Variants in SCAPER observed in about 807,000 individuals in gnomAD.
The protein encoded by SCAPER is S phase cyclin A-associated protein in the endoplasmic reticulum.
SCAPER carries 98 observed loss-of-function variants against 182.2 expected under a neutral mutation model. The ratio of observed to expected loss-of-function variants is 0.54; its 90% CI spans 0.46 to 0.64. SCAPER has a LOEUF of 0.64. SCAPER is among the 30% of genes least tolerant of loss of function. The probability of loss-of-function intolerance (pLI) is 0.00; values close to 1 mark genes in which losing one functional copy is unlikely to be tolerated. For synonymous variants in SCAPER, 605 were observed against 564.6 expected, an observed-to-expected ratio of 1.07 and a Z score of -1.01; for missense variants, 1,432 against 1,690.0, an observed-to-expected ratio of 0.85 and a Z score of 2.68.
intron 22 of SCAPER, among the ~76,000 whole-genome samples, chr15:76,576,179 A>G (rs1223394058): frequency 6.6e-6 from 1 of 152,092 alleles, no homozygotes; most frequent in Non-Finnish European, 1.5e-5. Flanking sequence ...CTGGGTAACA[A>G]GGCAAGACCC....
chr15:76,826,475 G>A (rs1365639231), intron 5 of SCAPER, among the ~76,000 whole-genome samples: 2 of 151,070 alleles, frequency 1.3e-5, no homozygotes, highest in Non-Finnish European at 2.9e-5. Flanking sequence ...TGACGAGTGA[G>A]TGGGTGCAGC....
chr15:76,379,943 T>A (rs2042838177), intron 28 of SCAPER: 1 of 151,882 alleles, frequency 6.6e-6, no homozygotes, highest in Non-Finnish European at 1.5e-5. Context: ...TGATATGGAG[T>A]CCCCTGTAGC....
intron 2 of SCAPER, among the ~76,000 whole-genome samples, chr15:76,880,732 A>C: frequency 6.6e-6 from 1 of 152,174 alleles, no homozygotes; most frequent in South Asian, 2.1e-4. Context: ...AAAAAAAAAA[A>C]ACTCCCAAGA....
chr15:76,793,119 A>G (rs1374237245), intron 8 of SCAPER: 1 of 637,140 alleles, frequency 1.6e-6, no homozygotes, highest in African/African-American at 1.9e-5. Flanking sequence ...GGAAGAGAAC[A>G]TTAAATGCAT....
chr15:76,516,513 T>C (rs1453659153), intron 23 of SCAPER, among the ~76,000 whole-genome samples: 1 of 152,166 alleles, frequency 6.6e-6, no homozygotes, highest in Non-Finnish European at 1.5e-5. Flanking sequence ...GGTTTCCAGC[T>C]TCATCCATGT....
chr15:76,782,432 G>T (rs938311428), intron 8 of SCAPER, among the ~76,000 whole-genome samples: 1 of 152,066 alleles, frequency 6.6e-6, no homozygotes, highest in African/African-American at 2.4e-5. Flanking sequence ...AATAATAATG[G>T]GAGACTTTAA....
At chr15:76,718,323 A>T (rs2060001491) in intron 17 of SCAPER, among the ~76,000 whole-genome samples, 1 of 152,198 alleles carries the variant, frequency 6.6e-6, no homozygotes, top group Non-Finnish European at 1.5e-5. Flanking sequence ...GAAAAAAATC[A>T]ATAAAACATC....
At chr15:76,698,168 ATT>A (rs1325450992) in intron 20 of SCAPER, among the ~76,000 whole-genome samples, 2 of 152,014 alleles carry the variant, frequency 1.3e-5, no homozygotes, top group Non-Finnish European at 2.9e-5. Context: ...GCAGAAAATT[ATT>A]TGAGGCAAAC....
chr15:76,478,895 G>A (rs1489951543), intron 24 of SCAPER, among the ~76,000 whole-genome samples: 2 of 151,838 alleles, frequency 1.3e-5, no homozygotes, highest in Admixed American at 6.6e-5. Context: ...TTTTCCCTTT[G>A]GTTTTGAACT....
intron 2 of SCAPER, among the ~76,000 whole-genome samples, chr15:76,882,416 A>G (rs1568400853): frequency 1.3e-5 from 2 of 151,958 alleles, no homozygotes; most frequent in South Asian, 4.2e-4. Flanking sequence ...AGATATTAAG[A>G]GAAAAAAAAT....
intron 24 of SCAPER, among the ~76,000 whole-genome samples, chr15:76,501,041 T>TAA (rs749711298): frequency 4.4e-5 from 6 of 136,510 alleles, no homozygotes; most frequent in East Asian, 2.1e-4. Context: ...AAACCCTGTC[T>TAA]AAAAAAAAAA....
chr15:76,654,960 C>G (rs1047873395), intron 21 of SCAPER, among the ~76,000 whole-genome samples: 2 of 152,236 alleles, frequency 1.3e-5, no homozygotes, highest in Non-Finnish European at 2.9e-5. Context: ...TGAGAAAGAA[C>G]TAGTGCAAGA....
chr15:76,537,102 T>C (rs1032289243), intron 23 of SCAPER, among the ~76,000 whole-genome samples: 2 of 151,992 alleles, frequency 1.3e-5, no homozygotes, highest in Non-Finnish European at 2.9e-5. Context: ...TCCATGCTCA[T>C]GGGTAGGAAG....
At chr15:76,877,864 C>A (rs1373644997) in intron 2 of SCAPER, among the ~76,000 whole-genome samples, 2 of 152,122 alleles carry the variant, frequency 1.3e-5, no homozygotes, top group Non-Finnish European at 2.9e-5. Flanking sequence ...TGAATATCTA[C>A]TGTGTATTAT....
At chr15:76,357,150 T>TCACACATACACACACACA (rs1555410454) in intron 29 of SCAPER, among the ~76,000 whole-genome samples, 1 of 128,858 alleles carries the variant, frequency 7.8e-6, no homozygotes, top group Admixed American at 8.4e-5. Flanking sequence ...TTTATTGACA[T>TCACACATACACACACACA]CACACACACA....
intron 24 of SCAPER, among the ~76,000 whole-genome samples, chr15:76,482,048 G>C (rs1196166684): frequency 6.6e-6 from 1 of 152,074 alleles, no homozygotes; most frequent in Non-Finnish European, 1.5e-5. Context: ...TCTTTAATCA[G>C]CAGGCGCATA....
rs1354339552 is a variant in SCAPER, at chr15:76,805,276, G to A, written c.394-643C>T. On this transcript the variant is annotated intron_variant, in intron 5 of 31. Coordinates refer to ENST00000563290, the MANE Select transcript of SCAPER (RefSeq NM_020843.4). ...GTGAACATGTTTTCAATTCTCTTGG[G>A]TATATACTTAGAAGTGGATTTGCTG... 3.3e-5 allele frequency among the ~76,000 whole-genome samples: 5 copies of A among 152,142 alleles called. No individual in the cohort carries two copies. In the East Asian group the frequency reaches 9.7e-4, roughly 29 times the overall value.
In SCAPER at chr15:76,765,568, T is replaced by A; in HGVS notation, c.1490A>T (p.Tyr497Phe). Residue 497 changes from tyrosine (Y) to phenylalanine (F), a missense_variant, in exon 12 of 32, where the codon TAT (tyrosine) becomes TTT (phenylalanine). Transcript: ENST00000563290. ...AATATGCATATACACAATACCTTCA[T>A]AATCTGCAAGGACATCGTTCCAGTC... ...SMDWNDVLAD[Y>F]EARESWRQNT... is the part of the protein sequence containing the mutation. The A allele has an allele frequency of 6.3e-7, 1 of 1,597,138 alleles. No homozygotes were observed. Among genetic ancestry groups the A allele is most frequent in the South Asian group, 1.1e-5 (1 of 88,622 alleles).
chr15:76,809,883 G>T (rs2066459365), intron 5 of SCAPER, among the ~76,000 whole-genome samples: 2 of 152,076 alleles, frequency 1.3e-5, no homozygotes, highest in South Asian at 4.1e-4. Flanking sequence ...ACACACACAG[G>T]GGCCCCCATA....
Sources: allele counts gnomAD v4.1 joint callset (sites outside exome capture counted in the v4.1 genomes callset), GRCh38; gene constraint gnomAD v4.1.1; transcripts MANE v1.5; gene names NCBI Gene and HGNC (gene_info 2026-07-23, HGNC 2026-07-21).